ROBO1: variants seen among roughly 807,000 people sequenced by gnomAD.
ROBO1 encodes the protein roundabout homolog 1.
A neutral mutation model predicts 195.9 loss-of-function variants in ROBO1; 149 were observed. The observed-to-expected ratio is 0.76, with a 90% CI of 0.67 to 0.87. The LOEUF (loss-of-function observed/expected upper bound fraction) is 0.87, where lower values mean the gene tolerates loss of function less well. Ranked by LOEUF, ROBO1 falls within the 40% of genes least tolerant of loss-of-function variation. ROBO1 has a pLI of 0.00. For synonymous variants in ROBO1, 816 were observed against 733.2 expected, an observed-to-expected ratio of 1.11 and a Z score of -1.82; for missense variants, 1,933 against 2,068.3, an observed-to-expected ratio of 0.93 and a Z score of 1.27.
At chr3:79,040,746 C>T (rs1235837395) in intron 3 of ROBO1, among the ~76,000 whole-genome samples, 1 of 152,158 alleles carries the variant, frequency 6.6e-6, no homozygotes, top group African/African-American at 2.4e-5. Flanking sequence ...CTTGTCATTC[C>T]AGTGGTTAAC....
At chr3:78,954,601 A>C (rs965638965) in intron 3 of ROBO1, among the ~76,000 whole-genome samples, 5 of 152,114 alleles carry the variant, frequency 3.3e-5, no homozygotes, top group African/African-American at 1.2e-4. Context: ...TTCAATCATG[A>C]AAAACAGCAT....
intron 2 of ROBO1, among the ~76,000 whole-genome samples, chr3:79,422,748 G>A (rs1471668134): frequency 6.6e-6 from 1 of 152,040 alleles, no homozygotes; most frequent in Non-Finnish European, 1.5e-5. Context: ...AAACTGTTAT[G>A]ATCCATTTGC....
chr3:78,778,591 C>T (rs2083575798), intron 4 of ROBO1, among the ~76,000 whole-genome samples: 1 of 152,074 alleles, frequency 6.6e-6, no homozygotes, highest in Admixed American at 6.5e-5. Context: ...TCAAGGAGAA[C>T]TACAAACTAC....
At chr3:79,342,876 C>G (rs1294076797) in intron 2 of ROBO1, among the ~76,000 whole-genome samples, 1 of 152,110 alleles carries the variant, frequency 6.6e-6, no homozygotes, top group African/African-American at 2.4e-5. Flanking sequence ...GAGTCCATAG[C>G]TTAGAATTCA....
intron 2 of ROBO1, among the ~76,000 whole-genome samples, chr3:79,433,102 T>C (rs545839797): frequency 6.6e-6 from 1 of 152,312 alleles, no homozygotes; most frequent in East Asian, 1.9e-4. Flanking sequence ...GGTGCCTTGC[T>C]GCACAGATCA....
chr3:79,207,786 GAA>G (rs34624794), intron 2 of ROBO1, among the ~76,000 whole-genome samples: 5 of 116,686 alleles, frequency 4.3e-5, no homozygotes, highest in Admixed American at 8.9e-5. Flanking sequence ...CTTTAAAACT[GAA>G]AAAAAAAAAA....
chr3:79,673,456 T>C (rs1576211340), intron 1 of ROBO1, among the ~76,000 whole-genome samples: 1 of 151,918 alleles, frequency 6.6e-6, no homozygotes, highest in South Asian at 2.1e-4. Context: ...ACTGGCTAGG[T>C]GGAACTTGAG....
chr3:79,694,314 G>A (rs1947379685), intron 1 of ROBO1, among the ~76,000 whole-genome samples: 1 of 150,644 alleles, frequency 6.6e-6, no homozygotes, highest in African/African-American at 2.4e-5. Context: ...CAAAAAAAAT[G>A]GCCTATTTAC....
At chr3:79,163,263 G>A (rs1461569701) in intron 2 of ROBO1, among the ~76,000 whole-genome samples, 1 of 152,060 alleles carries the variant, frequency 6.6e-6, no homozygotes, top group East Asian at 1.9e-4. Context: ...TCTCATGTAA[G>A]TGGAATCATA....
At chr3:78,791,312 G>A (rs181899624) in intron 4 of ROBO1, among the ~76,000 whole-genome samples, 22 of 152,168 alleles carry the variant, frequency 1.4e-4, no homozygotes, top group Non-Finnish European at 1.5e-5. Flanking sequence ...ATTAAAATAG[G>A]AATTCATGCC....
intron 2 of ROBO1, among the ~76,000 whole-genome samples, chr3:79,361,352 A>G (rs1559845068): frequency 6.6e-6 from 1 of 152,070 alleles, no homozygotes; most frequent in Non-Finnish European, 1.5e-5. Flanking sequence ...CAATACTGGA[A>G]AATCATCTTT....
chr3:79,420,213 A>G (rs1348291035), intron 2 of ROBO1, among the ~76,000 whole-genome samples: 1 of 152,162 alleles, frequency 6.6e-6, no homozygotes, highest in Non-Finnish European at 1.5e-5. Context: ...TTTATCATTG[A>G]CAGGAAAAAT....
intron 2 of ROBO1, among the ~76,000 whole-genome samples, chr3:79,497,525 G>C (rs1020722578): frequency 6.6e-6 from 1 of 152,216 alleles, no homozygotes; most frequent in South Asian, 2.1e-4. Flanking sequence ...TTTTATAAGT[G>C]AGACAATATT....
intron 3 of ROBO1, among the ~76,000 whole-genome samples, chr3:79,069,180 A>G (rs1041482946): frequency 6.6e-6 from 1 of 151,908 alleles, no homozygotes; most frequent in Admixed American, 6.6e-5. Flanking sequence ...TTAGTGGATG[A>G]AAATAGGGCC....
At chr3:79,407,914 C>A (rs567520370) in intron 2 of ROBO1, among the ~76,000 whole-genome samples, 1 of 151,982 alleles carries the variant, frequency 6.6e-6, no homozygotes, top group South Asian at 2.1e-4. Context: ...ATTTTCCTTG[C>A]CATATGATTG....
At chr3:78,940,825 T>G (rs567760210) in intron 3 of ROBO1, among the ~76,000 whole-genome samples, 1 of 152,328 alleles carries the variant, frequency 6.6e-6, no homozygotes, top group East Asian at 1.9e-4. Flanking sequence ...TCCCTTATGC[T>G]TGGCAGAGTG....
At chr3:79,351,524 A>G (rs1225127914) in intron 2 of ROBO1, among the ~76,000 whole-genome samples, 1 of 152,136 alleles carries the variant, frequency 6.6e-6, no homozygotes, top group South Asian at 2.1e-4. Context: ...AAAAAACCAA[A>G]AAGATATTTT....
intron 1 of ROBO1, among the ~76,000 whole-genome samples, chr3:79,747,160 T>C (rs1703913284): frequency 6.6e-6 from 1 of 152,058 alleles, no homozygotes; most frequent in Non-Finnish European, 1.5e-5. Context: ...TGTTTCTAGG[T>C]TTCAACGGCT....
intron 2 of ROBO1, among the ~76,000 whole-genome samples, chr3:79,532,687 G>A (rs904987183): frequency 1.3e-5 from 2 of 152,064 alleles, no homozygotes; most frequent in Non-Finnish European, 2.9e-5. Flanking sequence ...TTGAATCACA[G>A]GAATCCCATT....
Sources: allele counts gnomAD v4.1 joint callset (sites outside exome capture counted in the v4.1 genomes callset), GRCh38; gene constraint gnomAD v4.1.1; transcripts MANE v1.5; gene names NCBI Gene and HGNC (gene_info 2026-07-23, HGNC 2026-07-21).